The following MNAT1 variants were observed in gnomAD, a reference collection of about 807,000 sequenced individuals.
MNAT1 encodes the protein MNAT1 component of CDK activating kinase, also known as CDK-activating kinase assembly factor MAT1.
MNAT1 carries 43 observed loss-of-function variants against 42.0 expected under a neutral mutation model. The observed-to-expected ratio is 1.02, with a 90% confidence interval of 0.80 to 1.32. The LOEUF (loss-of-function observed/expected upper bound fraction) is 1.32. Among genes scored for constraint, MNAT1 ranks in the 40% most tolerant of loss-of-function variants. The pLI, the probability that MNAT1 is intolerant of heterozygous loss-of-function variation, is 0.00. For missense variants in MNAT1, 306 were observed against 350.4 expected (o/e 0.87, Z 1.01); for synonymous variants, 118 against 120.0 (o/e 0.98, Z 0.11).
chr14:60,885,761 T>C (rs1307484316), intron 7 of MNAT1, among the ~76,000 whole-genome samples: 1 of 152,070 alleles, frequency 6.6e-6, no homozygotes, highest in Non-Finnish European at 1.5e-5. Flanking sequence ...GTCTAGAGCT[T>C]TTTAGTTTGA....
intron 1 of MNAT1, among the ~76,000 whole-genome samples, chr14:60,753,356 A>C (rs1246900746): frequency 6.6e-6 from 1 of 152,176 alleles, no homozygotes; most frequent in Non-Finnish European, 1.5e-5. Context: ...TAAGAATTGA[A>C]AATACAGTAT....
intron 7 of MNAT1, among the ~76,000 whole-genome samples, chr14:60,924,865 AACATGAATTAGCTCAC>A (rs1030136355): frequency 6.6e-6 from 1 of 152,240 alleles, no homozygotes; most frequent in Admixed American, 6.5e-5. Context: ...GCATATTTAT[AACATGAATTAGCTCAC>A]ACATGAATGG....
intron 1 of MNAT1, among the ~76,000 whole-genome samples, chr14:60,779,499 C>T (rs1294512492): frequency 6.6e-6 from 1 of 152,088 alleles, no homozygotes; most frequent in African/African-American, 2.4e-5. Context: ...CCTTAAGAAG[C>T]TGTTTCCGGC....
At chr14:60,912,267 C>T (rs891663213) in intron 7 of MNAT1, among the ~76,000 whole-genome samples, 2 of 152,076 alleles carry the variant, frequency 1.3e-5, no homozygotes, top group African/African-American at 2.4e-5. Context: ...GGTCTTGACT[C>T]TTTATCCAGT....
intron 7 of MNAT1, among the ~76,000 whole-genome samples, chr14:60,931,703 C>CA (rs1312693143): frequency 6.6e-6 from 1 of 151,796 alleles, no homozygotes; most frequent in African/African-American, 2.4e-5. Context: ...TTGATTTAGT[C>CA]AGTGTGGGAG....
intron 1 of MNAT1, among the ~76,000 whole-genome samples, chr14:60,779,788 G>GAA (rs200874859): frequency 7.0e-6 from 1 of 142,554 alleles, no homozygotes; most frequent in African/African-American, 2.6e-5. Flanking sequence ...CCGTCTCAAA[G>GAA]AAAAAAAAAG....
chr14:60,882,478 A>G (rs1405702762), intron 7 of MNAT1, among the ~76,000 whole-genome samples: 2 of 152,174 alleles, frequency 1.3e-5, no homozygotes, highest in African/African-American at 4.8e-5. Context: ...TTATTCAGTC[A>G]TCTGTTGATG....
rs140842558 is a variant in MNAT1 at position 60,742,877 on chromosome 14, C to T, written c.89+7926C>T. On this transcript the variant is annotated intron_variant, in intron 1 of 7. Transcript: ENST00000261245. ...ATTATTCCATTGTATGGCTATACTA[C>T]ATTTTATCCATTCATCAGTTGAAGA... 3.8e-3 allele frequency among the ~76,000 whole-genome samples: 584 copies of T among 152,346 alleles called. 1 individual carries two copies. The highest frequency in any genetic ancestry group is 7.2e-3 in the Non-Finnish European group (490 of 68,038).
At chr14:60,932,895 A>G (rs2035918208) in intron 7 of MNAT1, among the ~76,000 whole-genome samples, 1 of 152,080 alleles carries the variant, frequency 6.6e-6, no homozygotes, top group Non-Finnish European at 1.5e-5. Flanking sequence ...AATCTTAAAA[A>G]CAAAACTTTG....
intron 6 of MNAT1, among the ~76,000 whole-genome samples, chr14:60,840,854 G>A (rs551074769): frequency 1.6e-4 from 25 of 152,150 alleles, no homozygotes; most frequent in Non-Finnish European, 2.5e-4. Context: ...TAGTAGAGAC[G>A]GGATTTCACT....
intron 7 of MNAT1, among the ~76,000 whole-genome samples, chr14:60,936,956 T>A (rs2036011156): frequency 6.6e-6 from 1 of 151,998 alleles, no homozygotes; most frequent in African/African-American, 2.4e-5. Context: ...TGGTTTTGAT[T>A]TGCATTTCTC....
At chr14:60,888,229 A>C (rs2034732221) in intron 7 of MNAT1, among the ~76,000 whole-genome samples, 1 of 148,924 alleles carries the variant, frequency 6.7e-6, no homozygotes, top group Non-Finnish European at 1.5e-5. Context: ...ATCCAGCAGC[A>C]CATCAAAAAG....
chr14:60,777,444 C>G (rs77749018), intron 1 of MNAT1, among the ~76,000 whole-genome samples: 1 of 151,956 alleles, frequency 6.6e-6, no homozygotes. Flanking sequence ...TCTCCCCCCC[C>G]AAAATTTTTG....
chr14:60,945,038 A>G (rs551422286), intron 7 of MNAT1, among the ~76,000 whole-genome samples: 9 of 152,336 alleles, frequency 5.9e-5, no homozygotes, highest in Non-Finnish European at 1.0e-4. Flanking sequence ...AGTCAGTGCA[A>G]TTAAGCAGCT....
intron 7 of MNAT1, among the ~76,000 whole-genome samples, chr14:60,900,909 C>T (rs76019404): frequency 0.2 from 28,743 of 147,278 alleles, 3,501 homozygotes; most frequent in Non-Finnish European, 0.27. Context: ...ATCACCTGAG[C>T]CTGGGGAGGT....
At chr14:60,902,802 A>T (rs1369315822) in intron 7 of MNAT1, among the ~76,000 whole-genome samples, 1 of 152,136 alleles carries the variant, frequency 6.6e-6, no homozygotes, top group Non-Finnish European at 1.5e-5. Flanking sequence ...TAAAGTTTTC[A>T]TCATGCTTTC....
intron 6 of MNAT1, among the ~76,000 whole-genome samples, chr14:60,856,106 T>C (rs1451692609): frequency 1.3e-5 from 2 of 152,224 alleles, no homozygotes; most frequent in African/African-American, 4.8e-5. Flanking sequence ...GGAAGGCTTG[T>C]GGAAAGCCAA....
At chr14:60,765,418 T>C (rs949141352) in intron 1 of MNAT1, among the ~76,000 whole-genome samples, 1 of 152,192 alleles carries the variant, frequency 6.6e-6, no homozygotes, top group African/African-American at 2.4e-5. Flanking sequence ...AAATACCTGA[T>C]GTAGATGACA....
chr14:60,791,314 T>A (rs371485188), intron 1 of MNAT1, among the ~76,000 whole-genome samples: 14 of 152,284 alleles, frequency 9.2e-5, no homozygotes, highest in Admixed American at 5.2e-4. Flanking sequence ...GCAATATCTT[T>A]TCTTCTGAAA....
Sources: gnomAD v4.1 joint callset for allele counts (sites outside exome capture counted in the v4.1 genomes callset) on GRCh38, gnomAD v4.1.1 for gene constraint, MANE v1.5 for transcripts, NCBI Gene and HGNC (gene_info 2026-07-23, HGNC 2026-07-21) for gene names.